USH2A: variants seen among roughly 807,000 people sequenced by gnomAD.
The protein encoded by USH2A is Usher syndrome 2A (autosomal recessive, mild).
Under a neutral mutation model 538.9 loss-of-function variants are expected in USH2A, and 443 were observed. That is an observed-to-expected ratio of 0.82 (90% CI 0.76 to 0.89). The LOEUF is 0.89. Among genes scored for constraint, USH2A ranks in the 40% least tolerant of loss-of-function variants. USH2A has a pLI of 0.00. For missense variants in USH2A, 6,633 were observed against 6,324.8 expected (o/e 1.05, Z -1.65); for synonymous variants, 2,413 against 2,273.5 (o/e 1.06, Z -1.75).
At position 215,680,300 on chromosome 1, in the gene USH2A, T is replaced by C. The variant is rs1412360890; in HGVS notation, c.12143A>G (p.His4048Arg). The stretch of plus-strand genomic sequence containing the variant: ...CCAAGGGCTTAAAATTTCTCCTGCA[T>C]GGTTTGCAGCCACAACACCAATGCG... ...TYRIGVVAAN[H>R]AGEILSPWTL... The change falls in exon 62 of 72, where the codon CAT becomes CGT. Residue 4048 changes from histidine (H) to arginine (R), a missense_variant. Physicochemically the swap from His to Arg is conservative, Grantham distance 29. Coordinates refer to ENST00000307340, the MANE Select transcript of USH2A (RefSeq NM_206933.4). The C allele has an allele frequency of 3.1e-6, 5 of 1,614,020 alleles. No individual in the cohort carries two copies. The highest frequency in any genetic ancestry group is 1.3e-5 in the African/African-American group (1 of 74,920).
In USH2A at chr1:216,410,298, T is replaced by C. The variant is rs116420638; in HGVS notation, c.651+8216A>G. On this transcript the variant is annotated intron_variant, in intron 3 of 71. Transcript: ENST00000307340. ...TTACAGAAAACAGTGTGACAATTCC[T>C]CAAAGACCAAAAAAAACAGAACTAC... Among the ~76,000 whole-genome samples, 760 of 152,208 alleles carry C rather than the reference T, an allele frequency of 5.0e-3. 10 individuals carry two copies. The highest frequency in any genetic ancestry group is 0.017 in the African/African-American group (720 of 41,544).
In USH2A at chr1:216,146,199, G is replaced by A. The variant is rs368482617; in HGVS notation, c.4627+29053C>T. On this transcript the variant is annotated intron_variant, in intron 21 of 71. Transcript: ENST00000307340. ...GAAACATCTCACCAATTTCAAATCC[G>A]GTAAGCGGCCTTTTTTACTCTCTTC... 1.6e-3 allele frequency among the ~76,000 whole-genome samples: 243 copies of A among 152,224 alleles called. 1 individual carries two copies. The highest frequency in any genetic ancestry group is 0.013 in the East Asian group (65 of 5,162).
At chr1:216,321,849 T>C in intron 9 of USH2A, 34 bp downstream of exon 9, 1 of 1,566,274 alleles carries the variant, frequency 6.4e-7, no homozygotes. Flanking sequence ...CTACTATTTT[T>C]TTTTTAGATT....
At chr1:215,751,446 A>T (rs1660617721) in intron 58 of USH2A, among the ~76,000 whole-genome samples, 1 of 152,132 alleles carries the variant, frequency 6.6e-6, no homozygotes, top group African/African-American at 2.4e-5. Flanking sequence ...TAATTAGAAC[A>T]TGATTAAGGG....
intron 69 of USH2A, among the ~76,000 whole-genome samples, 182 bp downstream of exon 69, chr1:215,638,973 G>A (rs561127724): frequency 1.2e-4 from 18 of 146,612 alleles, no homozygotes; most frequent in Admixed American, 5.5e-4. Flanking sequence ...GCAAGACTCC[G>A]TCTCAAAAAA....
intron 49 of USH2A, among the ~76,000 whole-genome samples, chr1:215,806,891 T>C (rs775426309): frequency 6.6e-6 from 1 of 152,094 alleles, no homozygotes; most frequent in African/African-American, 2.4e-5. Flanking sequence ...AGGCTCACAG[T>C]ATCTTTTTTT....
chr1:215,625,962 A>G (rs537968924), intron 71 of USH2A, 92 bp from the exon 72 acceptor site: 2 of 1,296,974 alleles, frequency 1.5e-6, no homozygotes, highest in East Asian at 4.9e-5. Context: ...TGTAAAAAGT[A>G]ATAAGTATTA....
In USH2A at chr1:216,145,573, GCCATGGATTATAT is replaced by G. The variant is rs535194623; in HGVS notation, c.4627+29666_4627+29678del. ...TATAACAGTTCAGAGTAGTCAAACA[GCCATGGATTATAT>G]TCCCACAAGTCCTGTGTCAGGCCTC... On this transcript the variant is annotated intron_variant, in intron 21 of 71. Coordinates refer to ENST00000307340, the MANE Select transcript of USH2A (RefSeq NM_206933.4). 6.7e-4 allele frequency among the ~76,000 whole-genome samples: 102 copies of G among 152,272 alleles called. 1 individual carries two copies. In the South Asian group the frequency reaches 0.02, roughly 30 times the overall value.
At chr1:216,223,336 A>G (rs2035495427) in intron 14 of USH2A, among the ~76,000 whole-genome samples, 1 of 152,180 alleles carries the variant, frequency 6.6e-6, no homozygotes, top group African/African-American at 2.4e-5. Context: ...ATCAGATCAT[A>G]TATCATCTAT....
chr1:216,096,198 T>C (rs182684521), intron 22 of USH2A, among the ~76,000 whole-genome samples: 19 of 152,318 alleles, frequency 1.2e-4, no homozygotes, highest in African/African-American at 3.6e-4. Flanking sequence ...TCTACCCAGC[T>C]TTTCAATCTA....
intron 32 of USH2A, among the ~76,000 whole-genome samples, chr1:216,040,103 CA>C (rs2030208672): frequency 6.7e-6 from 1 of 150,274 alleles, no homozygotes; most frequent in African/African-American, 2.4e-5. Flanking sequence ...ACACTCATTA[CA>C]TTGCTATTAT....
At chr1:215,987,391 C>T (rs1328620615) in intron 35 of USH2A, among the ~76,000 whole-genome samples, 1 of 152,122 alleles carries the variant, frequency 6.6e-6, no homozygotes, top group Non-Finnish European at 1.5e-5. Flanking sequence ...ATAAGGGTTC[C>T]TATAGACCTT....
At position 215,634,623 on chromosome 1, in the gene USH2A, C is replaced by G. The variant is rs1201348626; in HGVS notation, c.15133G>C (p.Val5045Leu). The G allele has an allele frequency of 6.2e-7, 1 of 1,614,236 alleles. No homozygotes were observed. The highest frequency in any genetic ancestry group is 2.2e-5 in the East Asian group (1 of 44,890). The part of the protein sequence containing the change: ...TEFYSELWFI[V>L]LMAMLGLILL... Reference sequence around the variant, plus strand: ...ATCAAGCCCAGCATCGCCATTAACACTATGAACCACAGCTCGCTGTAGAAC... The same window carrying G: ...ATCAAGCCCAGCATCGCCATTAACAGTATGAACCACAGCTCGCTGTAGAAC... Residue 5045 changes from valine (V) to leucine (L), a missense_variant, in exon 70 of 72, where the codon GTG (valine) becomes CTG (leucine). Physicochemically the swap from Val to Leu is conservative, Grantham distance 32. Coordinates refer to ENST00000307340, the MANE Select transcript of USH2A (RefSeq NM_206933.4).
intron 44 of USH2A, among the ~76,000 whole-genome samples, chr1:215,862,949 T>C (rs956474326): frequency 6.6e-6 from 1 of 152,218 alleles, no homozygotes; most frequent in Non-Finnish European, 1.5e-5. Context: ...GTTGTCATTT[T>C]TGTAATTAGA....
At chr1:215,734,439 A>G (rs951313030) in intron 60 of USH2A, among the ~76,000 whole-genome samples, 5 of 152,122 alleles carry the variant, frequency 3.3e-5, no homozygotes, top group Non-Finnish European at 5.9e-5. Context: ...ATTATCTTGG[A>G]TATTAACACT....
chr1:215,847,676 A>C (rs1464169663), intron 44 of USH2A, among the ~76,000 whole-genome samples: 3 of 151,964 alleles, frequency 2.0e-5, no homozygotes, highest in Admixed American at 2.0e-4. Context: ...AAAGTTAAAC[A>C]GCATTAGTCC....
chr1:216,023,372 C>A (rs1668883033), intron 32 of USH2A, among the ~76,000 whole-genome samples: 1 of 140,238 alleles, frequency 7.1e-6, no homozygotes, highest in African/African-American at 2.7e-5. Context: ...ATAAAAGAGA[C>A]AGGAGATTTG....
intron 35 of USH2A, among the ~76,000 whole-genome samples, chr1:215,979,877 A>G (rs557208323): frequency 6.6e-6 from 1 of 152,162 alleles, no homozygotes; most frequent in Admixed American, 6.5e-5. Context: ...CTGGTTAAAA[A>G]GGGAATTGTT....
chr1:215,913,018 G>T (rs1434279323), intron 38 of USH2A, among the ~76,000 whole-genome samples: 2 of 152,110 alleles, frequency 1.3e-5, no homozygotes, highest in Non-Finnish European at 2.9e-5. Flanking sequence ...TGAGAATTTT[G>T]ATTCAAAACC....
Sources: gnomAD v4.1 joint callset for allele counts (sites outside exome capture counted in the v4.1 genomes callset) on GRCh38, gnomAD v4.1.1 for gene constraint, MANE v1.5 for transcripts, NCBI Gene and HGNC (gene_info 2026-07-23, HGNC 2026-07-21) for gene names.